The following GLYR1 variants were observed in gnomAD, a reference collection of about 807,000 sequenced individuals.
GLYR1 encodes cytokine-like nuclear factor N-PAC.
A neutral mutation model predicts 72.7 loss-of-function variants in GLYR1; 21 were observed. That is an observed-to-expected ratio of 0.29 (90% CI 0.20 to 0.42). The LOEUF (loss-of-function observed/expected upper bound fraction) is 0.42, where lower values mean the gene tolerates loss of function less well. Ranked by LOEUF, GLYR1 falls within the 10% of genes least tolerant of loss-of-function variation. The pLI, the probability that GLYR1 is intolerant of heterozygous loss-of-function variation, is 1.00. For missense variants in GLYR1, 594 were observed against 712.1 expected, an observed-to-expected ratio of 0.83 and a Z score of 1.89; for synonymous variants, 392 against 270.2, an observed-to-expected ratio of 1.45 and a Z score of -4.42.
In GLYR1 at chr16:4,817,619, G is replaced by A; in HGVS notation, c.885C>T (p.Val295=). The A allele has an allele frequency of 6.2e-7, 1 of 1,611,904 alleles. No homozygotes were observed. The highest frequency in any genetic ancestry group is 8.5e-7 in the Non-Finnish European group (1 of 1,177,992). ...NLLKMGHTVT[V]WNRTAEKCDL... is the part of the protein sequence containing the mutation. The stretch of plus-strand genomic sequence containing the variant: ...TTACTTTCTCTGCAGTGCGGTTCCA[G>A]ACAGTCACTGTGTGACCCATTTTTA... The change falls in exon 10 of 16, where the codon GTC becomes GTT. Residue 295 remains valine (V), a synonymous_variant. Transcript: ENST00000321919.
At chr16:4,823,674 A>AT in intron 6 of GLYR1, 147 bp downstream of exon 6, 1 of 725,262 alleles carries the variant, frequency 1.4e-6, no homozygotes, top group South Asian at 1.8e-5. Flanking sequence ...GAAATTTTTA[A>AT]TTTTTTATTT....
chr16:4,843,497 C>A (rs1342235338), intron 3 of GLYR1: 1 of 1,278,988 alleles, frequency 7.8e-7, no homozygotes, highest in African/African-American at 1.5e-5. Flanking sequence ...AACATTCCCT[C>A]TTCCAGAAGC....
At chr16:4,843,149 T>C (rs2085687742) in intron 3 of GLYR1, among the ~76,000 whole-genome samples, 1 of 152,186 alleles carries the variant, frequency 6.6e-6, no homozygotes, top group Admixed American at 6.5e-5. Context: ...ATGTTATGCA[T>C]GAGGACAATC....
At chr16:4,843,651 G>A (rs186575178) in intron 3 of GLYR1, 4 of 1,287,102 alleles carry the variant, frequency 3.1e-6, no homozygotes, top group Non-Finnish European at 3.0e-6. Flanking sequence ...ACTCCTGGAT[G>A]AGTGAAGAAT....
At chr16:4,806,100 G>T (rs1358674610) in intron 15 of GLYR1, among the ~76,000 whole-genome samples, 1 of 152,216 alleles carries the variant, frequency 6.6e-6, no homozygotes, top group Non-Finnish European at 1.5e-5. Flanking sequence ...CACACCTGTG[G>T]TGCTTCTGCC....
chr16:4,809,722 A>G (rs1399615644), intron 15 of GLYR1, among the ~76,000 whole-genome samples: 1 of 151,822 alleles, frequency 6.6e-6, no homozygotes, highest in Admixed American at 6.6e-5. Context: ...TCAGCAGTTC[A>G]AGCCCAGCCT....
At chr16:4,811,143 T>G (rs767124643) in intron 15 of GLYR1, 27 bp downstream of exon 15, 1 of 1,595,914 alleles carries the variant, frequency 6.3e-7, no homozygotes, top group African/African-American at 1.4e-5. Flanking sequence ...CTGAAGGGCC[T>G]TGGGGCTTGG....
At position 4,803,469 on chromosome 16, in the gene GLYR1, G is replaced by C. The variant is rs183302079; in HGVS notation, c.*1767C>G. Reference sequence around the variant, plus strand: ...TAAAAGGGAAGGATTTCAAAAGAAAGGTGAAATAGCTTAAACAGAAATATT... The same window carrying C: ...TAAAAGGGAAGGATTTCAAAAGAAACGTGAAATAGCTTAAACAGAAATATT... On this transcript the variant is annotated 3_prime_UTR_variant, in exon 16 of 16. Coordinates refer to ENST00000321919, the MANE Select transcript of GLYR1 (RefSeq NM_032569.4). 12 of 152,750 alleles carry C rather than the reference G, an allele frequency of 7.9e-5. No individual in the cohort carries two copies. The highest frequency in any genetic ancestry group is 2.9e-4 in the African/African-American group (12 of 41,562). The allele number at this position is 152,750 out of a possible 1,614,324, so 9.5% of individuals were successfully genotyped here. A position where few individuals can be genotyped will look rare whatever the true frequency, so the allele number is the denominator to read the frequency against.
At chr16:4,813,381 C>A (rs2083438725) in intron 12 of GLYR1, among the ~76,000 whole-genome samples, 1 of 152,178 alleles carries the variant, frequency 6.6e-6, no homozygotes, top group Non-Finnish European at 1.5e-5. Flanking sequence ...GTCCCAAAGT[C>A]CCCACTCCCT....
intron 15 of GLYR1, among the ~76,000 whole-genome samples, chr16:4,807,721 G>A (rs1199618948): frequency 4.6e-5 from 7 of 152,194 alleles, no homozygotes; most frequent in Admixed American, 3.9e-4. Flanking sequence ...ACTTCAAAGA[G>A]AAGCTTTCCC....
At chr16:4,830,738 G>C (rs1240316638) in intron 5 of GLYR1, among the ~76,000 whole-genome samples, 1 of 152,152 alleles carries the variant, frequency 6.6e-6, no homozygotes, top group Non-Finnish European at 1.5e-5. Context: ...CTGTGGCCTT[G>C]TAAGACCGGC....
At chr16:4,845,643 A>T (rs900006181) in intron 2 of GLYR1, among the ~76,000 whole-genome samples, 2 of 152,190 alleles carry the variant, frequency 1.3e-5, no homozygotes, top group Admixed American at 1.3e-4. Context: ...TTGCAAAGAG[A>T]CCATCTAAAG....
In GLYR1 at chr16:4,832,939, T is replaced by A. The variant is rs748883838; in HGVS notation, c.156-27A>T. The A allele has an allele frequency of 5.6e-6, 9 of 1,600,738 alleles. No homozygotes were observed. The Admixed American group carries it at 8.5e-5, about 15-fold the overall frequency. On this transcript the variant is annotated intron_variant, in intron 3 of 15. Coordinates refer to ENST00000321919, the MANE Select transcript of GLYR1 (RefSeq NM_032569.4). ...TAGCAGAAAACAAACACAAAAAGGG[T>A]GTGAACCATATAGCATATGCCCTAA...
intron 3 of GLYR1, chr16:4,833,322 T>C (rs1219853761): frequency 6.4e-6 from 1 of 156,176 alleles, no homozygotes; most frequent in Non-Finnish European, 1.4e-5. Context: ...TCCCTGGGAA[T>C]CAGGGTACCT....
intron 3 of GLYR1, among the ~76,000 whole-genome samples, chr16:4,844,514 A>G (rs1383144571): frequency 1.3e-5 from 2 of 152,240 alleles, no homozygotes; most frequent in Non-Finnish European, 2.9e-5. Context: ...GCTCACGCCT[A>G]TAATCCAGCA....
At chr16:4,842,528 A>T (rs1049470197) in intron 3 of GLYR1, among the ~76,000 whole-genome samples, 7 of 151,158 alleles carry the variant, frequency 4.6e-5, no homozygotes, top group Admixed American at 4.6e-4. Context: ...GAAAAAAAAA[A>T]TTTATTTTTT....
rs767417650 is a variant in GLYR1 at position 4,832,834 on chromosome 16, T to C, written c.234A>G (p.Arg78=). The C allele has an allele frequency of 6.2e-6, 10 of 1,613,726 alleles. No individual in the cohort carries two copies. Among genetic ancestry groups the C allele is most frequent in the Middle Eastern group, 1.6e-4 (1 of 6,084 alleles). ...EEMIKINKGK[R]FQQAVDAVEE... is the part of the protein sequence containing the mutation. ...CGACAGCATCTACCGCTTGCTGGAA[T>C]CGTTTACCCTTGTTAATTTTTATCA... Residue 78 remains arginine, a synonymous_variant, in exon 4 of 16, where the codon CGA becomes CGG. Transcript: ENST00000321919.
At chr16:4,846,507 C>T (rs145595030) in intron 1 of GLYR1, among the ~76,000 whole-genome samples, 1 of 152,262 alleles carries the variant, frequency 6.6e-6, no homozygotes, top group Non-Finnish European at 1.5e-5. Context: ...TCTGTAAACA[C>T]AGACTTTCCC....
chr16:4,832,974 A>C (rs768548995), intron 3 of GLYR1, 62 bp from the exon 4 acceptor site: 23 of 1,471,018 alleles, frequency 1.6e-5, no homozygotes, highest in Non-Finnish European at 2.0e-5. Flanking sequence ...AAGTATCAAC[A>C]ACCTCACTAT....
Sources: gnomAD v4.1 joint callset for allele counts (sites outside exome capture counted in the v4.1 genomes callset) on GRCh38, gnomAD v4.1.1 for gene constraint, MANE v1.5 for transcripts, NCBI Gene and HGNC (gene_info 2026-07-23, HGNC 2026-07-21) for gene names.